Variants in NDUFAF2 observed in about 807,000 individuals in gnomAD.
NDUFAF2 encodes the protein NADH:ubiquinone oxidoreductase complex assembly factor 2.
NDUFAF2 carries 13 observed loss-of-function variants against 22.8 expected under a neutral mutation model. The observed-to-expected ratio is 0.57, with a 90% CI of 0.37 to 0.91. NDUFAF2 has a LOEUF of 0.91. Ranked by LOEUF, NDUFAF2 falls within the 40% of genes least tolerant of loss-of-function variation. The pLI is 0.01. For missense variants in NDUFAF2, 162 were observed against 195.2 expected (o/e 0.83, Z 1.01); for synonymous variants, 53 against 64.2 (o/e 0.83, Z 0.84).
At chr5:61,131,373 T>G (rs1054000209) in intron 3 of NDUFAF2, among the ~76,000 whole-genome samples, 10 of 152,026 alleles carry the variant, frequency 6.6e-5, no homozygotes, top group African/African-American at 2.4e-4. Flanking sequence ...GTTTTTTGGT[T>G]TGTTTTTTAT....
chr5:60,963,679 T>C (rs888091161), intron 1 of NDUFAF2, among the ~76,000 whole-genome samples: 99 of 152,272 alleles, frequency 6.5e-4, no homozygotes, highest in African/African-American at 2.2e-3. Flanking sequence ...TACTGAAAAA[T>C]CCGTGGCTTT....
At chr5:61,060,676 A>C (rs770490053) in intron 1 of NDUFAF2, among the ~76,000 whole-genome samples, 13 of 152,122 alleles carry the variant, frequency 8.5e-5, no homozygotes, top group Non-Finnish European at 1.8e-4. Flanking sequence ...CACTCAGCCC[A>C]GCCTCTCTTT....
chr5:61,054,624 A>G (rs1226032098), intron 1 of NDUFAF2, among the ~76,000 whole-genome samples: 1 of 152,188 alleles, frequency 6.6e-6, no homozygotes, highest in Non-Finnish European at 1.5e-5. Context: ...TTGCTACTTA[A>G]TTGGTACCAG....
At chr5:61,058,620 G>A (rs1752127945) in intron 1 of NDUFAF2, among the ~76,000 whole-genome samples, 1 of 151,752 alleles carries the variant, frequency 6.6e-6, no homozygotes. Flanking sequence ...CTTTTTGTGT[G>A]TGTTTAAGAC....
intron 1 of NDUFAF2, among the ~76,000 whole-genome samples, chr5:61,037,416 A>G (rs917230165): frequency 6.6e-6 from 1 of 152,178 alleles, no homozygotes; most frequent in Non-Finnish European, 1.5e-5. Context: ...AGTTAATGAG[A>G]GATTTTTTAA....
intron 1 of NDUFAF2, among the ~76,000 whole-genome samples, chr5:61,057,938 A>T (rs995716700): frequency 6.6e-6 from 1 of 152,174 alleles, no homozygotes; most frequent in African/African-American, 2.4e-5. Flanking sequence ...AATTTCATGG[A>T]TTAATAAATA....
intron 1 of NDUFAF2, among the ~76,000 whole-genome samples, chr5:60,997,192 C>T (rs1751238921): frequency 6.6e-6 from 1 of 152,088 alleles, no homozygotes; most frequent in African/African-American, 2.4e-5. Context: ...ACAGCAGTAG[C>T]CCAAATAGTG....
chr5:61,000,042 A>T (rs1211502315), intron 1 of NDUFAF2, among the ~76,000 whole-genome samples: 1 of 152,112 alleles, frequency 6.6e-6, no homozygotes, highest in East Asian at 1.9e-4. Context: ...AAGTTTTAGA[A>T]GACCATATGA....
At chr5:61,103,435 C>CT (rs1047592196) in intron 3 of NDUFAF2, among the ~76,000 whole-genome samples, 4 of 151,996 alleles carry the variant, frequency 2.6e-5, no homozygotes, top group Non-Finnish European at 5.9e-5. Flanking sequence ...CTAATCACTA[C>CT]TTTCTCGGTA....
At position 61,135,171 on chromosome 5, in the gene NDUFAF2, T is replaced by A. The variant is rs190291192; in HGVS notation, c.259-17533T>A. Among the ~76,000 whole-genome samples, 98 of 151,294 alleles carry A rather than the reference T, an allele frequency of 6.5e-4. 2 individuals are homozygous for A. Among genetic ancestry groups the A allele is most frequent in the African/African-American group, 2.2e-3 (93 of 41,342 alleles). On this transcript the variant is annotated intron_variant, in intron 3 of 3. Coordinates refer to ENST00000296597, the MANE Select transcript of NDUFAF2 (RefSeq NM_174889.5). ...AAAAAAAGCATATTTCCTACTTCGG[T>A]CCACTGGAAAGACCTAACAGCAATG... is the stretch of plus-strand genomic sequence containing the variant.
chr5:61,092,835 C>T (rs1752585380), intron 2 of NDUFAF2, among the ~76,000 whole-genome samples: 2 of 152,010 alleles, frequency 1.3e-5, no homozygotes, highest in South Asian at 4.1e-4. Flanking sequence ...AGGGACAGAA[C>T]TAATAGGATA....
intron 3 of NDUFAF2, among the ~76,000 whole-genome samples, chr5:61,132,432 A>G (rs1046391730): frequency 1.3e-5 from 2 of 151,710 alleles, no homozygotes; most frequent in African/African-American, 2.4e-5. Flanking sequence ...TCTCACCTCA[A>G]TTTGTTTCTT....
At chr5:61,009,905 C>T (rs1751422745) in intron 1 of NDUFAF2, among the ~76,000 whole-genome samples, 1 of 152,090 alleles carries the variant, frequency 6.6e-6, no homozygotes, top group Admixed American at 6.6e-5. Flanking sequence ...AAAAACTCCA[C>T]ATCTCCTCTA....
intron 1 of NDUFAF2, among the ~76,000 whole-genome samples, chr5:60,962,810 T>C (rs965718002): frequency 1.3e-5 from 2 of 150,120 alleles, no homozygotes; most frequent in Non-Finnish European, 3.0e-5. Flanking sequence ...TCCAGCCAAG[T>C]GACAGAGTGA....
At chr5:60,979,754 A>T (rs1204681013) in intron 1 of NDUFAF2, among the ~76,000 whole-genome samples, 1 of 152,176 alleles carries the variant, frequency 6.6e-6, no homozygotes, top group Non-Finnish European at 1.5e-5. Context: ...CCCTGAAGCA[A>T]ACAGGACATA....
At chr5:61,034,347 C>T (rs191837368) in intron 1 of NDUFAF2, among the ~76,000 whole-genome samples, 136 of 152,258 alleles carry the variant, frequency 8.9e-4, no homozygotes, top group Middle Eastern at 3.4e-3. Context: ...TATATTTCCA[C>T]AAACCAAATG....
chr5:61,135,463 CAATT>C (rs1159917883), intron 3 of NDUFAF2, among the ~76,000 whole-genome samples: 2 of 152,242 alleles, frequency 1.3e-5, no homozygotes, highest in South Asian at 2.1e-4. Flanking sequence ...CTAACCAAAA[CAATT>C]GATTGAAACA....
In NDUFAF2 at chr5:61,124,554, C is replaced by T. The variant is rs1431939184; in HGVS notation, c.258+25522C>T. Among the ~76,000 whole-genome samples the T allele has an allele frequency of 1.3e-4, 19 of 151,856 alleles. No individual in the cohort carries two copies. The East Asian group carries it at 3.3e-3, about 26-fold the overall frequency. On this transcript the variant is annotated intron_variant, in intron 3 of 3. Transcript: ENST00000296597. ...TCATCTTTGATCTAGACTGTCTAGT[C>T]CTGTGTTTTCCAGTAAAATATCTAC...
At chr5:61,028,056 T>A (rs1287286392) in intron 1 of NDUFAF2, among the ~76,000 whole-genome samples, 1 of 151,994 alleles carries the variant, frequency 6.6e-6, no homozygotes, top group South Asian at 2.1e-4. Context: ...TAATATGATG[T>A]CAAGTAGAAA....
Sources: allele counts gnomAD v4.1 joint callset (sites outside exome capture counted in the v4.1 genomes callset), GRCh38; gene constraint gnomAD v4.1.1; transcripts MANE v1.5; gene names NCBI Gene and HGNC (gene_info 2026-07-23, HGNC 2026-07-21).